Variants in EYS observed in about 807,000 individuals in gnomAD.
EYS encodes the protein EGF-like photoreceptor maintenance factor.
Under a neutral mutation model 282.1 loss-of-function variants are expected in EYS, and 250 were observed. The observed-to-expected ratio is 0.89, with a 90% CI of 0.80 to 0.98. The LOEUF (loss-of-function observed/expected upper bound fraction) is 0.98, where lower values mean the gene tolerates loss of function less well. EYS is among the 50% of genes least tolerant of loss of function. The pLI is 0.00. For missense variants in EYS, 4,016 were observed against 3,709.0 expected (o/e 1.08, Z -2.15); for synonymous variants, 1,355 against 1,282.9 (o/e 1.06, Z -1.20).
intron 18 of EYS, among the ~76,000 whole-genome samples, chr6:64,900,580 A>G (rs1324265331): frequency 6.6e-6 from 1 of 152,212 alleles, no homozygotes; most frequent in Non-Finnish European, 1.5e-5. Flanking sequence ...GGATATGAAC[A>G]CACACTTTTC....
intron 26 of EYS, among the ~76,000 whole-genome samples, chr6:64,544,751 A>G (rs1363384426): frequency 1.3e-5 from 2 of 152,228 alleles, no homozygotes; most frequent in Non-Finnish European, 2.9e-5. Context: ...ACCTCTATGC[A>G]AATAAACCAG....
At chr6:64,182,785 T>A (rs1764825113) in intron 31 of EYS, among the ~76,000 whole-genome samples, 1 of 152,238 alleles carries the variant, frequency 6.6e-6, no homozygotes, top group East Asian at 1.9e-4. Flanking sequence ...ACTCTGCTCC[T>A]GAGATTTCAT....
chr6:65,503,627 A>T (rs1766541133), intron 2 of EYS, among the ~76,000 whole-genome samples: 3 of 151,652 alleles, frequency 2.0e-5, no homozygotes, highest in African/African-American at 7.2e-5. Context: ...ATTTTTGTGA[A>T]GAGTGTAAGT....
intron 30 of EYS, among the ~76,000 whole-genome samples, chr6:64,264,165 A>G (rs759353459): frequency 5.3e-5 from 8 of 152,172 alleles, no homozygotes; most frequent in African/African-American, 7.2e-5. Flanking sequence ...TTCAGGTTCA[A>G]ATAGAAACTT....
intron 9 of EYS, among the ~76,000 whole-genome samples, chr6:65,347,332 T>TAC (rs1325950730): frequency 6.6e-6 from 1 of 151,850 alleles, no homozygotes; most frequent in East Asian, 1.9e-4. Flanking sequence ...ATTACTGACT[T>TAC]ACCTTTCAGC....
chr6:65,661,256 A>G (rs1193602092), intron 1 of EYS, among the ~76,000 whole-genome samples: 1 of 151,926 alleles, frequency 6.6e-6, no homozygotes, highest in Non-Finnish European at 1.5e-5. Flanking sequence ...ATTAATTACA[A>G]CAATAAGCAT....
intron 24 of EYS, among the ~76,000 whole-genome samples, chr6:64,610,389 A>G (rs1272045362): frequency 6.6e-6 from 1 of 150,466 alleles, no homozygotes; most frequent in East Asian, 1.9e-4. Context: ...ACCAATAAAA[A>G]CTGCTGTTGT....
intron 31 of EYS, among the ~76,000 whole-genome samples, chr6:64,111,214 G>T (rs968149509): frequency 6.6e-6 from 1 of 152,046 alleles, no homozygotes. Context: ...GAATAAAATA[G>T]TTGTACCTCA....
At chr6:65,263,608 G>A (rs931148866) in intron 12 of EYS, among the ~76,000 whole-genome samples, 2 of 151,584 alleles carry the variant, frequency 1.3e-5, no homozygotes, top group African/African-American at 4.8e-5. Flanking sequence ...CATGAATATT[G>A]GAACAATAAA....
intron 37 of EYS, among the ~76,000 whole-genome samples, chr6:63,805,226 T>C (rs986430278): frequency 2.0e-5 from 3 of 152,208 alleles, no homozygotes; most frequent in South Asian, 2.1e-4. Context: ...TAACTGTTGA[T>C]TGCAGACTTA....
At chr6:64,569,026 G>GAAAAAAAAAAAAAAAAAAAAAAAAAAAA (rs4034162) in intron 26 of EYS, among the ~76,000 whole-genome samples, 1 of 101,726 alleles carries the variant, frequency 9.8e-6, no homozygotes, top group Non-Finnish European at 1.9e-5. Flanking sequence ...AGATGGAAAA[G>GAAAAAAAAAAAAAAAAAAAAAAAAAAAA]AAAAAAAAAA....
At chr6:64,408,739 T>C (rs1016075221) in intron 28 of EYS, among the ~76,000 whole-genome samples, 16 of 152,340 alleles carry the variant, frequency 1.1e-4, no homozygotes, top group Admixed American at 1.0e-3. Context: ...AATTATACCA[T>C]AGTCAATATG....
At chr6:64,595,646 T>C (rs1476583862) in intron 24 of EYS, among the ~76,000 whole-genome samples, 1 of 152,022 alleles carries the variant, frequency 6.6e-6, no homozygotes, top group African/African-American at 2.4e-5. Context: ...ACACCAATAA[T>C]GAACTATTTG....
At chr6:64,345,710 T>C (rs1771358923) in intron 29 of EYS, among the ~76,000 whole-genome samples, 1 of 152,022 alleles carries the variant, frequency 6.6e-6, no homozygotes, top group African/African-American at 2.4e-5. Flanking sequence ...TGGGATCTAA[T>C]TAAACTAAAG....
intron 29 of EYS, among the ~76,000 whole-genome samples, chr6:64,327,448 C>T (rs1054066977): frequency 6.6e-6 from 1 of 152,074 alleles, no homozygotes; most frequent in African/African-American, 2.4e-5. Context: ...ACTGAGGACC[C>T]TTTGTGAGAT....
chr6:65,338,705 C>G (rs535713122), intron 10 of EYS, among the ~76,000 whole-genome samples: 1 of 151,032 alleles, frequency 6.6e-6, no homozygotes, highest in South Asian at 2.1e-4. Context: ...GCAATAAAAT[C>G]ATGATTTTGG....
chr6:64,491,651 C>T (rs879379349), intron 26 of EYS, among the ~76,000 whole-genome samples: 2 of 150,934 alleles, frequency 1.3e-5, no homozygotes, highest in South Asian at 4.1e-4. Flanking sequence ...CCATTATCCT[C>T]TCTTTGCAGA....
chr6:64,474,386 G>A (rs1325736841), intron 26 of EYS, among the ~76,000 whole-genome samples: 4 of 152,122 alleles, frequency 2.6e-5, no homozygotes, highest in Non-Finnish European at 5.9e-5. Context: ...CTAGGAAATA[G>A]CACATATATT....
intron 1 of EYS, among the ~76,000 whole-genome samples, chr6:65,694,016 A>G (rs891221886): frequency 2.7e-5 from 4 of 150,460 alleles, no homozygotes; most frequent in African/African-American, 9.7e-5. Flanking sequence ...AAGAAAGTAG[A>G]TAATATCTAA....
Sources: allele counts gnomAD v4.1 joint callset (sites outside exome capture counted in the v4.1 genomes callset), GRCh38; gene constraint gnomAD v4.1.1; transcripts MANE v1.5; gene names NCBI Gene and HGNC (gene_info 2026-07-23, HGNC 2026-07-21).